SLC8A3: variants seen among roughly 807,000 people sequenced by gnomAD.
SLC8A3 encodes solute carrier family 8 member A3.
In SLC8A3, 37 loss-of-function variants were observed where a neutral mutation model predicts 65.4. The observed-to-expected ratio is 0.57, with a 90% CI of 0.44 to 0.74. The LOEUF (loss-of-function observed/expected upper bound fraction) is 0.74. SLC8A3 is among the 30% of genes least tolerant of loss of function. SLC8A3 has a pLI of 0.00. For missense variants in SLC8A3, 1,112 were observed against 1,172.1 expected (o/e 0.95, Z 0.75); for synonymous variants, 461 against 444.5 (o/e 1.04, Z -0.47).
chr14:70,168,504 C>T lies in SLC8A3; in HGVS notation c.-62-20G>A. On this transcript the variant is annotated intron_variant, in intron 1 of 6. Transcript: ENST00000356921. ...AGAGACCTAGAAAAGATCAGAGAGG[C>T]AGGAAAAGGCATGAGGAAAAAGGGG... is the stretch of plus-strand genomic sequence containing the variant. 2 of 1,131,660 alleles carry T rather than the reference C, an allele frequency of 1.8e-6. No individual in the cohort carries two copies. Among genetic ancestry groups the T allele is most frequent in the Non-Finnish European group, 2.5e-6 (2 of 794,836 alleles). 70.1% of individuals were successfully genotyped at this position (1,131,660 alleles called of 1,614,324 possible).
chr14:70,083,502 C>T (rs1200496832), intron 2 of SLC8A3, among the ~76,000 whole-genome samples: 1 of 152,092 alleles, frequency 6.6e-6, no homozygotes, highest in African/African-American at 2.4e-5. Flanking sequence ...GTCCTTTTTT[C>T]CAGAGACAAT....
intron 2 of SLC8A3, among the ~76,000 whole-genome samples, chr14:70,080,553 G>A (rs1890964560): frequency 2.0e-5 from 3 of 152,200 alleles, no homozygotes; most frequent in African/African-American, 7.2e-5. Flanking sequence ...TAGCAATTGA[G>A]TCAGGAGACA....
At chr14:70,134,972 G>A (rs749798324) in intron 2 of SLC8A3, among the ~76,000 whole-genome samples, 18 of 152,128 alleles carry the variant, frequency 1.2e-4, no homozygotes, top group Non-Finnish European at 2.6e-4. Flanking sequence ...CTCTCTAATC[G>A]TATATAACTG....
At chr14:70,108,508 G>A (rs1893036905) in intron 2 of SLC8A3, among the ~76,000 whole-genome samples, 1 of 151,690 alleles carries the variant, frequency 6.6e-6, no homozygotes, top group South Asian at 2.1e-4. Context: ...AATTTCTTTT[G>A]CTGCTTCGTC....
chr14:70,104,740 A>G (rs989980074), intron 2 of SLC8A3, among the ~76,000 whole-genome samples: 4 of 152,242 alleles, frequency 2.6e-5, no homozygotes, highest in Non-Finnish European at 5.9e-5. Flanking sequence ...AAAAATTAGA[A>G]TATATTGAAT....
chr14:70,064,002 G>C (rs1302006739), intron 2 of SLC8A3: 1 of 802,578 alleles, frequency 1.2e-6, no homozygotes, highest in Non-Finnish European at 2.1e-6. Flanking sequence ...ACAAAAACGG[G>C]AAGAGAAGGA....
chr14:70,136,654 T>C (rs1594740453), intron 2 of SLC8A3, among the ~76,000 whole-genome samples: 1 of 152,364 alleles, frequency 6.6e-6, no homozygotes, highest in East Asian at 1.9e-4. Flanking sequence ...CAGAGAGGCC[T>C]TTCCAGACCT....
chr14:70,081,928 G>A (rs889320600), intron 2 of SLC8A3, among the ~76,000 whole-genome samples: 3 of 152,234 alleles, frequency 2.0e-5, no homozygotes, highest in Non-Finnish European at 2.9e-5. Flanking sequence ...TCCTAAATTC[G>A]GAGGACCTTA....
intron 2 of SLC8A3, among the ~76,000 whole-genome samples, chr14:70,079,560 A>G (rs1027967037): frequency 6.6e-6 from 1 of 151,948 alleles, no homozygotes; most frequent in Non-Finnish European, 1.5e-5. Context: ...CACACTGAAC[A>G]TTCTCTGGCT....
chr14:70,177,894 G>A (rs529666511), intron 1 of SLC8A3, among the ~76,000 whole-genome samples: 2 of 152,296 alleles, frequency 1.3e-5, no homozygotes, highest in East Asian at 3.9e-4. Context: ...CAAGACTGGC[G>A]GCAGGAAGAC....
chr14:70,078,925 C>A (rs957799481), intron 2 of SLC8A3, among the ~76,000 whole-genome samples: 1 of 152,158 alleles, frequency 6.6e-6, no homozygotes, highest in African/African-American at 2.4e-5. Context: ...AAGTGGGCAT[C>A]ACCTTTACAA....
At chr14:70,113,676 G>A (rs1369962786) in intron 2 of SLC8A3, among the ~76,000 whole-genome samples, 1 of 152,212 alleles carries the variant, frequency 6.6e-6, no homozygotes, top group East Asian at 1.9e-4. Flanking sequence ...GGGAAAGAGA[G>A]ATTAAAAATG....
chr14:70,109,445 A>ATG lies in SLC8A3; in HGVS notation c.1785-48507_1785-48506insCA, dbSNP rs1566785499. Among the ~76,000 whole-genome samples, 138 of 77,102 alleles carry ATG rather than the reference A, an allele frequency of 1.8e-3. 1 individual carries two copies. The highest frequency in any genetic ancestry group is 5.9e-3 in the African/African-American group (131 of 22,124). 50.6% of individuals were successfully genotyped at this position (77,102 alleles called of 152,430 possible). ...TGTGTATATATATACATGTATATGT[A>ATG]CGTGTGTGTATATATATATATATAT... On this transcript the variant is annotated intron_variant, in intron 2 of 6. Transcript: ENST00000356921.
At chr14:70,132,301 T>G (rs1330864710) in intron 2 of SLC8A3, among the ~76,000 whole-genome samples, 1 of 152,240 alleles carries the variant, frequency 6.6e-6, no homozygotes. Context: ...ACTGTAATAT[T>G]TGGGAGCCCA....
At chr14:70,153,041 T>C (rs1896367894) in intron 2 of SLC8A3, among the ~76,000 whole-genome samples, 1 of 151,840 alleles carries the variant, frequency 6.6e-6, no homozygotes, top group Non-Finnish European at 1.5e-5. Flanking sequence ...AGGCTCAGAG[T>C]TGCTCAGAGG....
chr14:70,097,016 G>A (rs1892223191), intron 2 of SLC8A3, among the ~76,000 whole-genome samples: 1 of 152,162 alleles, frequency 6.6e-6, no homozygotes, highest in Non-Finnish European at 1.5e-5. Flanking sequence ...ATAGAAATGT[G>A]GGAAATTAAA....
chr14:70,184,630 C>T (rs1883034762), intron 1 of SLC8A3, among the ~76,000 whole-genome samples: 1 of 152,232 alleles, frequency 6.6e-6, no homozygotes, highest in South Asian at 2.1e-4. Flanking sequence ...GGAAGAGGTG[C>T]TCCTCCTATA....
At chr14:70,187,618 TG>T (rs1594839798) in intron 1 of SLC8A3, among the ~76,000 whole-genome samples, 9 of 116,498 alleles carry the variant, frequency 7.7e-5, no homozygotes, top group South Asian at 2.5e-4. Flanking sequence ...TGTGTGTGTG[TG>T]TGTGTGTGTG....
At chr14:70,097,911 C>G (rs780067200) in intron 2 of SLC8A3, among the ~76,000 whole-genome samples, 1 of 151,978 alleles carries the variant, frequency 6.6e-6, no homozygotes, top group Admixed American at 6.5e-5. Flanking sequence ...GGTAGGTGTG[C>G]TTTCTCTGAC....
Sources: allele counts gnomAD v4.1 joint callset (sites outside exome capture counted in the v4.1 genomes callset), GRCh38; gene constraint gnomAD v4.1.1; transcripts MANE v1.5; gene names NCBI Gene and HGNC (gene_info 2026-07-23, HGNC 2026-07-21).